RAP2C: variants seen among roughly 807,000 people sequenced by gnomAD.
The protein encoded by RAP2C is ras-related protein Rap-2c.
Under a neutral mutation model 8.9 loss-of-function variants are expected in RAP2C, and 3 were observed. That is an observed-to-expected ratio of 0.34 (90% CI 0.15 to 0.87). The LOEUF is 0.87. Among genes scored for constraint, RAP2C ranks in the 40% least tolerant of loss-of-function variants. The pLI, the probability that RAP2C is intolerant of heterozygous loss-of-function variation, is 0.51. For synonymous variants in RAP2C, 60 were observed against 52.1 expected (o/e 1.15, Z -0.65); for missense variants, 76 against 133.7 (o/e 0.57, Z 2.13).
intron 4 of RAP2C, among the ~76,000 whole-genome samples, chrX:132,214,826 A>C (rs925043222): frequency 2.7e-5 from 3 of 111,628 alleles, no homozygotes; most frequent in Admixed American, 1.9e-4. Flanking sequence ...TCCTTGTAAC[A>C]CCTGTTATCC....
chrX:132,208,847 T>C (rs1930347940), intron 5 of RAP2C, among the ~76,000 whole-genome samples: 1 of 110,095 alleles, frequency 9.1e-6, no homozygotes, highest in Non-Finnish European at 1.9e-5. Flanking sequence ...TTTTATTTTT[T>C]GTAGAGTCGG....
chrX:132,211,748 C>A (rs1451779971), intron 5 of RAP2C, among the ~76,000 whole-genome samples: 1 of 112,045 alleles, frequency 8.9e-6, no homozygotes, highest in East Asian at 2.8e-4. Flanking sequence ...AACCAATTAA[C>A]AACAATAACA....
chrX:132,208,133 A>C (rs892888185), intron 5 of RAP2C, among the ~76,000 whole-genome samples: 2 of 111,523 alleles, frequency 1.8e-5, no homozygotes, highest in Non-Finnish European at 3.8e-5. Context: ...AGGAACAAAG[A>C]TCATTATTTA....
rs900875922 is a variant in RAP2C, at chrX:132,217,619, G to A, written c.-351C>T. On this transcript the variant is annotated 5_prime_UTR_variant, in exon 4 of 6. Transcript: ENST00000370874. ...GGCTGCGGCGAGGGGACCCTGCGGC[G>A]AGGCGGACGTCGGAGGAGCCCGCAG... 1.6e-4 allele frequency: 25 copies of A among 158,953 alleles called. No individual in the cohort carries two copies. The highest frequency in any genetic ancestry group is 2.8e-4 in the Non-Finnish European group (23 of 83,290). 13.1% of individuals were successfully genotyped at this position (158,953 alleles called of 1,213,427 possible).
At chrX:132,206,189 GAAGA>G (rs1930270282) in intron 5 of RAP2C, among the ~76,000 whole-genome samples, 1 of 110,246 alleles carries the variant, frequency 9.1e-6, no homozygotes, top group Non-Finnish European at 1.9e-5. Context: ...AAAGAAAAGA[GAAGA>G]AAGAGGGAGG....
At chrX:132,211,125 T>C (rs1930418202) in intron 5 of RAP2C, among the ~76,000 whole-genome samples, 1 of 110,939 alleles carries the variant, frequency 9.0e-6, no homozygotes, top group Non-Finnish European at 1.9e-5. Context: ...AAGATGCTAC[T>C]GTCATCTAGT....
rs1930191770 is a variant in RAP2C at position 132,203,723 on chromosome X, G to T, written c.*1899C>A. On this transcript the variant is annotated 3_prime_UTR_variant, in exon 6 of 6. Transcript: ENST00000370874. ...TTAACCTACTTTTAAATGAGTGTTT[G>T]GTTTTAAGTTTGGTATTAAAGTGCA... 8.9e-6 allele frequency: 1 copy of T among 112,057 alleles called. No individual in the cohort carries two copies. Among genetic ancestry groups the T allele is most frequent in the Non-Finnish European group, 1.9e-5 (1 of 53,071 alleles). 9.2% of individuals were successfully genotyped at this position (112,057 alleles called of 1,213,427 possible).
chrX:132,214,910 GA>G (rs998563478), intron 4 of RAP2C, among the ~76,000 whole-genome samples: 2 of 110,083 alleles, frequency 1.8e-5, no homozygotes, highest in South Asian at 3.9e-4. Flanking sequence ...TTTTAAGTGG[GA>G]AAAAAAACCA....
chrX:132,216,107 G>C (rs760142001), intron 4 of RAP2C, among the ~76,000 whole-genome samples: 1 of 111,943 alleles, frequency 8.9e-6, no homozygotes, highest in African/African-American at 3.2e-5. Flanking sequence ...TCAATATGAG[G>C]TTATTCATTT....
At position 132,203,921 on chromosome X, in the gene RAP2C, T is replaced by C. The variant is rs868402219; in HGVS notation, c.*1701A>G. 1.8e-5 allele frequency: 2 copies of C among 112,421 alleles called. No individual in the cohort carries two copies. Among genetic ancestry groups the C allele is most frequent in the African/African-American group, 3.2e-5 (1 of 30,927 alleles). 9.3% of individuals were successfully genotyped at this position (112,421 alleles called of 1,213,427 possible). A position where few individuals can be genotyped will look rare whatever the true frequency, so the allele number is the denominator to read the frequency against. ...GATTTAAAAAAAGGAAATCAAAGTT[T>C]AGTCAATTTCTACTCAGTAATTAAT... On this transcript the variant is annotated 3_prime_UTR_variant, in exon 6 of 6. Coordinates refer to ENST00000370874, the MANE Select transcript of RAP2C (RefSeq NM_001271186.2).
intron 1 of RAP2C, 100 bp downstream of exon 1, chrX:132,219,270 T>A (rs1278020264): frequency 3.6e-5 from 4 of 112,118 alleles, no homozygotes; most frequent in Admixed American, 1.9e-4. Context: ...TATAAAGAGA[T>A]TTATTACTCA....
chrX:132,214,642 C>T (rs983225236), intron 4 of RAP2C, 196 bp from the exon 5 acceptor site: 1 of 632,841 alleles, frequency 1.6e-6, no homozygotes, highest in Non-Finnish European at 1.9e-6. Flanking sequence ...AGAGACCCTA[C>T]CTGCTGGGTT....
chrX:132,209,593 C>A (rs766116459), intron 5 of RAP2C, among the ~76,000 whole-genome samples: 105 of 112,153 alleles, frequency 9.4e-4, no homozygotes, highest in African/African-American at 3.2e-3. Flanking sequence ...TGGGGAGAAT[C>A]TTTTCTGTAG....
intron 5 of RAP2C, among the ~76,000 whole-genome samples, chrX:132,206,208 GAGGA>G (rs959591194): frequency 9.0e-6 from 1 of 110,948 alleles, no homozygotes; most frequent in Non-Finnish European, 1.9e-5. Flanking sequence ...GGGAGGGAGG[GAGGA>G]AGGAAGGAAG....
intron 1 of RAP2C, chrX:132,218,716 G>T (rs1930754684): frequency 9.0e-6 from 1 of 111,137 alleles, no homozygotes; most frequent in Non-Finnish European, 1.9e-5. Context: ...CTTTACCAGC[G>T]AATACTAAAG....
rs1482468245 is a variant in RAP2C at position 132,217,179 on chromosome X, C to T, written c.90G>A (p.Glu30=). The T allele has an allele frequency of 2.5e-6, 3 of 1,197,764 alleles. No homozygotes were observed. The East Asian group carries it at 9.0e-5, about 36-fold the overall frequency. The part of the protein sequence containing the change: ...TVQFVTGTFI[E]KYDPTIEDFY... ...AATCTTCAATGGTGGGGTCATATTT[C>T]TCAATGAAAGTCCCAGTGACAAACT... is the stretch of plus-strand genomic sequence containing the variant. Residue 30 remains glutamate, a synonymous_variant, in exon 4 of 6, where the codon GAG becomes GAA. Coordinates refer to ENST00000370874, the MANE Select transcript of RAP2C (RefSeq NM_001271186.2).
At chrX:132,207,401 A>G (rs1326242440) in intron 5 of RAP2C, among the ~76,000 whole-genome samples, 1 of 111,597 alleles carries the variant, frequency 9.0e-6, no homozygotes, top group Non-Finnish European at 1.9e-5. Flanking sequence ...TATATGGAAT[A>G]AAACATGATA....
intron 4 of RAP2C, among the ~76,000 whole-genome samples, chrX:132,215,272 A>G (rs936111073): frequency 9.0e-6 from 1 of 111,486 alleles, no homozygotes; most frequent in Non-Finnish European, 1.9e-5. Flanking sequence ...ATTTAATACA[A>G]TATTATAGAC....
In RAP2C at chrX:132,203,195, TAA is replaced by T. The variant is rs1304232757; in HGVS notation, c.*2425_*2426del. 1 of 112,321 alleles carries T rather than the reference TAA, an allele frequency of 8.9e-6. No homozygotes were observed. The highest frequency in any genetic ancestry group is 1.9e-5 in the Non-Finnish European group (1 of 53,167). 9.3% of individuals were successfully genotyped at this position (112,321 alleles called of 1,213,427 possible). A position where few individuals can be genotyped will look rare whatever the true frequency, so the allele number is the denominator to read the frequency against. ...TATTTGAGATTTTACCTTTCACTGA[TAA>T]AGTTACAGTACATTAGATCCATGAT... On this transcript the variant is annotated 3_prime_UTR_variant, in exon 6 of 6. Coordinates refer to ENST00000370874, the MANE Select transcript of RAP2C (RefSeq NM_001271186.2).
Sources: allele counts gnomAD v4.1 joint callset (sites outside exome capture counted in the v4.1 genomes callset), GRCh38; gene constraint gnomAD v4.1.1; transcripts MANE v1.5; gene names NCBI Gene and HGNC (gene_info 2026-07-23, HGNC 2026-07-21).